USP25: variants seen among roughly 807,000 people sequenced by gnomAD.
USP25 encodes ubiquitin specific peptidase 25.
Under a neutral mutation model 158.5 loss-of-function variants are expected in USP25, and 85 were observed. The ratio of observed to expected loss-of-function variants is 0.54; its 90% CI spans 0.45 to 0.64. The LOEUF (loss-of-function observed/expected upper bound fraction) is 0.64. USP25 is among the 30% of genes least tolerant of loss of function. USP25 has a pLI of 0.00. For synonymous variants in USP25, 464 were observed against 460.4 expected, an observed-to-expected ratio of 1.01 and a Z score of -0.10; for missense variants, 1,242 against 1,327.3, an observed-to-expected ratio of 0.94 and a Z score of 1.00.
chr21:15,864,197 CT>C (rs1188460680), intron 20 of USP25, 70 bp from the exon 21 acceptor site: 6 of 1,221,710 alleles, frequency 4.9e-6, no homozygotes, highest in Non-Finnish European at 6.8e-6. Flanking sequence ...AAGAATTAAA[CT>C]CATAATATTG....
In USP25 at chr21:15,730,350, A is replaced by G. The variant is rs2030663715; in HGVS notation, c.-44A>G. ...AGCCAGGGCCGGCGGAGGCGCGAGG[A>G]GCCGGGCGCCACCGCCGCCGCCGCC... On this transcript the variant is annotated 5_prime_UTR_variant, in exon 1 of 26. Transcript: ENST00000400183. 8.7e-7 allele frequency: 1 copy of G among 1,154,322 alleles called. No individual in the cohort carries two copies. Among genetic ancestry groups the G allele is most frequent in the Non-Finnish European group, 1.1e-6 (1 of 939,998 alleles). The allele number at this position is 1,154,322 out of a possible 1,614,324, so 71.5% of individuals were successfully genotyped here. A position where few individuals can be genotyped will look rare whatever the true frequency, so the allele number is the denominator to read the frequency against.
Position 15,764,347 on chromosome 21 carries a change from T to C in USP25, c.123+1379T>C, listed in dbSNP as rs190350344. 7.1e-4 allele frequency among the ~76,000 whole-genome samples: 108 copies of C among 151,492 alleles called. No individual in the cohort carries two copies. The Middle Eastern group carries it at 0.014, about 19-fold the overall frequency. On this transcript the variant is annotated intron_variant, in intron 2 of 25. Transcript: ENST00000400183. ...TTTTTTTTTTTAAACTTAGAAAATA[T>C]GTAGCTCGAATGAAGTCTTATCCAC...
At chr21:15,753,433 C>T (rs939125044) in intron 1 of USP25, among the ~76,000 whole-genome samples, 1 of 152,134 alleles carries the variant, frequency 6.6e-6, no homozygotes, top group Non-Finnish European at 1.5e-5. Context: ...TCCCGGGGGA[C>T]CCTCCTTGTC....
At chr21:15,793,041 G>C (rs932500311) in intron 5 of USP25, among the ~76,000 whole-genome samples, 2 of 151,514 alleles carry the variant, frequency 1.3e-5, no homozygotes, top group African/African-American at 4.8e-5. Flanking sequence ...AAGAAGGTTT[G>C]TGCATATGAT....
chr21:15,730,121 A>G lies in USP25; in HGVS notation c.-273A>G, dbSNP rs2030632071. ...GTGCCCCGGCGTCCTCCGCCCGCTC[A>G]TGGCCCGGGCCGCCGCGGACGAGCG... On this transcript the variant is annotated 5_prime_UTR_variant, in exon 1 of 26. It removes an upstream start codon present in the reference 5' UTR. Coordinates refer to ENST00000400183, the MANE Select transcript of USP25 (RefSeq NM_001283041.3). 6.2e-6 allele frequency: 1 copy of G among 160,192 alleles called. No individual in the cohort carries two copies. The highest frequency in any genetic ancestry group is 1.3e-5 in the Non-Finnish European group (1 of 75,924). 9.9% of individuals were successfully genotyped at this position (160,192 alleles called of 1,614,324 possible).
Position 15,826,855 on chromosome 21 carries a change from A to C in USP25, c.1467-122A>C. On this transcript the variant is annotated intron_variant, in intron 13 of 25. Coordinates refer to ENST00000400183, the MANE Select transcript of USP25 (RefSeq NM_001283041.3). The surrounding 1 kb of genome is among the most constrained non-coding windows in gnomAD (Gnocchi z 4.8). ...TCATTTGGATGTTAGATCAATCCAC[A>C]TATTTCTTTAAGATTTTTTCTTTTG... The C allele has an allele frequency of 1.2e-6, 1 of 848,776 alleles. No homozygotes were observed. The highest frequency in any genetic ancestry group is 1.8e-6 in the Non-Finnish European group (1 of 553,942). The allele number at this position is 848,776 out of a possible 1,614,324, so 52.6% of individuals were successfully genotyped here.
intron 4 of USP25, among the ~76,000 whole-genome samples, chr21:15,786,479 C>G (rs936302451): frequency 2.0e-5 from 3 of 152,030 alleles, no homozygotes; most frequent in Non-Finnish European, 4.4e-5. Context: ...TCAACATACA[C>G]AAATCAATAA....
intron 14 of USP25, among the ~76,000 whole-genome samples, chr21:15,827,763 TGC>T (rs1267358636): frequency 9.4e-4 from 115 of 122,014 alleles, no homozygotes; most frequent in African/African-American, 2.3e-3. Flanking sequence ...TGTGTGCGTG[TGC>T]GTGTGTGTGT....
Position 15,799,797 on chromosome 21 carries a change from A to T in USP25, c.596A>T (p.Asn199Ile). ...TTGGAATTTAGAAGATTAGTTCTGA[A>T]TTACAAGCCTCCATCAAATGCTCAA... ...NLLEFRRLVL[N>I]YKPPSNAQDL... Residue 199 changes from asparagine to isoleucine, a missense_variant, in exon 6 of 26, where the codon AAT becomes ATT. Asn to Ile is a moderately radical substitution (Grantham distance 149). Around this residue, in one of 3 missense-constraint regions of USP25, gnomAD observed 627 missense variants for 701.4 expected, o/e 0.89. Coordinates refer to ENST00000400183, the MANE Select transcript of USP25 (RefSeq NM_001283041.3). 1 of 1,602,034 alleles carries T rather than the reference A, an allele frequency of 6.2e-7. No individual in the cohort carries two copies. Among genetic ancestry groups the T allele is most frequent in the South Asian group, 1.1e-5 (1 of 88,922 alleles).
chr21:15,877,865 A>C lies in USP25; in HGVS notation c.3079A>C (p.Ile1027Leu). ...TCGAGAAGTAAACAATGGTTTGATT[A>C]TCATGAATGAGTTTATTGTCCCATT... Reference protein sequence around the residue: ...EDREVNNGLIIMNEFIVPFLP... With the variant: ...EDREVNNGLILMNEFIVPFLP... The change falls in exon 25 of 26, where the codon ATC (isoleucine) becomes CTC (leucine). Residue 1027 changes from isoleucine (I) to leucine (L), a missense_variant. By Grantham distance (5) the Ile-to-Leu change is conservative (BLOSUM62 2). Around this residue, in one of 3 missense-constraint regions of USP25, gnomAD observed 608 missense variants for 605.2 expected, o/e 1.00. Transcript: ENST00000400183. 1 of 1,613,472 alleles carries C rather than the reference A, an allele frequency of 6.2e-7. No individual in the cohort carries two copies. The highest frequency in any genetic ancestry group is 1.1e-5 in the South Asian group (1 of 91,034).
chr21:15,799,092 T>C (rs1033532228), intron 5 of USP25, among the ~76,000 whole-genome samples: 7 of 151,264 alleles, frequency 4.6e-5, no homozygotes, highest in African/African-American at 1.7e-4. Context: ...CATTGTGATA[T>C]TTTCCATTGT....
intron 20 of USP25, among the ~76,000 whole-genome samples, chr21:15,863,598 A>C (rs2039524938): frequency 6.6e-6 from 1 of 152,214 alleles, no homozygotes; most frequent in Admixed American, 6.5e-5. Context: ...GGGAAAACTT[A>C]CCATCTCCAT....
intron 5 of USP25, among the ~76,000 whole-genome samples, chr21:15,792,535 T>G (rs1439478166): frequency 6.6e-6 from 1 of 151,728 alleles, no homozygotes; most frequent in Non-Finnish European, 1.5e-5. Flanking sequence ...ACATGCATGC[T>G]ATTTTTTGTA....
chr21:15,823,945 T>C (rs2037363333), intron 10 of USP25, 94 bp from the exon 11 acceptor site: 6 of 1,268,844 alleles, frequency 4.7e-6, no homozygotes, highest in Non-Finnish European at 6.6e-6. Context: ...GTGATACATA[T>C]AACAATGTCA....
rs768352730 is a variant in USP25 at position 15,827,048 on chromosome 21, C to T, written c.1538C>T (p.Ser513Leu). 1.9e-6 allele frequency: 3 copies of T among 1,614,190 alleles called. No individual in the cohort carries two copies. The highest frequency in any genetic ancestry group is 1.7e-6 in the Non-Finnish European group (2 of 1,180,038). ...TCACCTTCATCAGTTGCTGCCATTT[C>T]ATCGAGATCAGTAATACACAAACCA... ...STSPSSVAAI[S>L]SRSVIHKPFT... The change falls in exon 14 of 26, where the codon TCA becomes TTA. Residue 513 changes from serine to leucine, a missense_variant. Transcript: ENST00000400183.
chr21:15,763,355 G>A (rs2033849242), intron 2 of USP25, among the ~76,000 whole-genome samples: 1 of 152,096 alleles, frequency 6.6e-6, no homozygotes, highest in Non-Finnish European at 1.5e-5. Flanking sequence ...AAAATTAATA[G>A]AAGTCTGAAA....
At chr21:15,782,403 A>G (rs1180157823) in intron 4 of USP25, among the ~76,000 whole-genome samples, 3 of 152,276 alleles carry the variant, frequency 2.0e-5, no homozygotes, top group African/African-American at 4.8e-5. Flanking sequence ...GCTCAACCCT[A>G]CATCACCAGA....
At chr21:15,870,365 G>A (rs1014418112) in intron 23 of USP25, among the ~76,000 whole-genome samples, 1 of 152,112 alleles carries the variant, frequency 6.6e-6, no homozygotes, top group African/African-American at 2.4e-5. Context: ...AACTCCGTAA[G>A]GTTGGCATTA....
chr21:15,785,637 T>TA (rs1379027445), intron 4 of USP25, among the ~76,000 whole-genome samples: 1 of 152,076 alleles, frequency 6.6e-6, no homozygotes, highest in Non-Finnish European at 1.5e-5. Flanking sequence ...TGGAAACACA[T>TA]ACAAAAACCT....
Sources: allele counts gnomAD v4.1 joint callset (sites outside exome capture counted in the v4.1 genomes callset), GRCh38; gene constraint gnomAD v4.1.1; regional missense constraint gnomAD v4.1.1; non-coding constraint Gnocchi (gnomAD v3.1); transcripts MANE v1.5; gene names NCBI Gene and HGNC (gene_info 2026-07-23, HGNC 2026-07-21).